Variants in OPA3 observed in about 807,000 individuals in gnomAD.
The protein encoded by OPA3 is outer mitochondrial membrane lipid metabolism regulator OPA3, also known as optic atrophy 3 protein.
A neutral mutation model predicts 4.0 loss-of-function variants in OPA3; 6 were observed. The observed-to-expected ratio is 1.51, with a 90% CI of 0.83 to 2.99. The LOEUF (loss-of-function observed/expected upper bound fraction) is 2.99, where lower values mean the gene tolerates loss of function less well. Among genes scored for constraint, OPA3 ranks in the 30% most tolerant of loss-of-function variants. OPA3 has a pLI of 0.00. For missense variants in OPA3, 235 were observed against 256.2 expected (o/e 0.92, Z 0.56); for synonymous variants, 105 against 117.1 (o/e 0.90, Z 0.67).
In OPA3 at chr19:45,549,326, T is replaced by C. The variant is rs565107857; in HGVS notation, c.*4188A>G. On this transcript the variant is annotated 3_prime_UTR_variant, in exon 2 of 2. Transcript: ENST00000263275. ...ACCCCTGACGCCGCAGTGGGGGAAG[T>C]AGATGGCCCTGCTGCCCACGATGAC... 4 of 984,558 alleles carry C rather than the reference T, an allele frequency of 4.1e-6. No homozygotes were observed. The highest frequency in any genetic ancestry group is 4.8e-6 in the Non-Finnish European group (4 of 829,846). 61.0% of individuals were successfully genotyped at this position (984,558 alleles called of 1,614,324 possible). A position where few individuals can be genotyped will look rare whatever the true frequency, so the allele number is the denominator to read the frequency against.
At chr19:45,579,622 A>G (rs1969817501) in intron 1 of OPA3, among the ~76,000 whole-genome samples, 1 of 152,158 alleles carries the variant, frequency 6.6e-6, no homozygotes, top group Admixed American at 6.6e-5. Context: ...TATAACATCT[A>G]CGTGACAGCC....
chr19:45,535,621 A>G (rs971003290), intron 1 of OPA3, among the ~76,000 whole-genome samples: 1 of 152,036 alleles, frequency 6.6e-6, no homozygotes, highest in Admixed American at 6.6e-5. Flanking sequence ...GACCTCCCAA[A>G]GTGCTGGGAT....
intron 1 of OPA3, among the ~76,000 whole-genome samples, chr19:45,538,350 G>A (rs1011945148): frequency 6.6e-6 from 1 of 152,104 alleles, no homozygotes; most frequent in Admixed American, 6.6e-5. Flanking sequence ...GAGCCTGGAA[G>A]ATCAAAACTG....
At position 45,584,622 on chromosome 19, in the gene OPA3, C is replaced by T. The variant is rs1555736793; in HGVS notation, c.142+1G>A. On this transcript the variant is annotated splice_donor_variant, in intron 1 of 1. Transcript: ENST00000263275. LOFTEE classifies it high-confidence loss of function. ...TTGGAGGGAATTCGGGTCAGACTCA[C>T]GTTGAGCCGGCGGGAGGCAGATATA... 6.2e-7 allele frequency: 1 copy of T among 1,614,188 alleles called. No individual in the cohort carries two copies. The highest frequency in any genetic ancestry group is 8.5e-7 in the Non-Finnish European group (1 of 1,180,020).
chr19:45,554,113 A>T (rs1969386481), intron 1 of OPA3, among the ~76,000 whole-genome samples: 1 of 152,182 alleles, frequency 6.6e-6, no homozygotes, highest in Non-Finnish European at 1.5e-5. Context: ...CCCAAGAGGG[A>T]CACCAGGAGC....
At chr19:45,529,389 C>T in exon 2 of OPA3, 3 of 1,614,196 alleles carry the variant, frequency 1.9e-6, no homozygotes, top group African/African-American at 1.3e-5. Flanking sequence ...CCTCGTTCAG[C>T]GGCTTGATGG....
intron 1 of OPA3, among the ~76,000 whole-genome samples, chr19:45,570,981 G>GC (rs1555735068): frequency 7.4e-6 from 1 of 134,924 alleles, no homozygotes; most frequent in Non-Finnish European, 1.6e-5. Flanking sequence ...AACTATTTGG[G>GC]GGGGGGGGGC....
intron 1 of OPA3, among the ~76,000 whole-genome samples, chr19:45,535,103 G>A (rs774116937): frequency 1.3e-5 from 2 of 152,122 alleles, no homozygotes; most frequent in Admixed American, 6.6e-5. Flanking sequence ...TAGATTGGTA[G>A]AGGAAAAGAT....
At chr19:45,570,852 G>C (rs1969652247) in intron 1 of OPA3, among the ~76,000 whole-genome samples, 3 of 144,114 alleles carry the variant, frequency 2.1e-5, no homozygotes, top group East Asian at 2.1e-4. Flanking sequence ...GACAGAGTGA[G>C]ACTCTGTCTC....
At chr19:45,554,071 G>C (rs1415641702) in intron 1 of OPA3, among the ~76,000 whole-genome samples, 160 bp from the exon 2 acceptor site, 11 of 152,180 alleles carry the variant, frequency 7.2e-5, no homozygotes, top group Admixed American at 6.5e-4. Context: ...CACTGCCCCA[G>C]AAGGGAGGTC....
chr19:45,566,153 T>C (rs550920084), intron 1 of OPA3, among the ~76,000 whole-genome samples: 2 of 152,282 alleles, frequency 1.3e-5, no homozygotes, highest in African/African-American at 2.4e-5. Flanking sequence ...TTTTTTATTA[T>C]TATTATTGTT....
At chr19:45,542,651 T>A (rs1056312820), downstream of OPA3, among the ~76,000 whole-genome samples, 1 of 147,864 alleles carries the variant, frequency 6.8e-6, no homozygotes, top group African/African-American at 2.5e-5. Context: ...GGTACAGTAC[T>A]TCACTGTTTT....
At chr19:45,546,116 A>G (rs1969245600), downstream of OPA3, among the ~76,000 whole-genome samples, 1 of 152,144 alleles carries the variant, frequency 6.6e-6, no homozygotes. Context: ...CATATAATAC[A>G]TAATGTATGA....
At chr19:45,557,950 C>T (rs1011274780) in intron 1 of OPA3, among the ~76,000 whole-genome samples, 14 of 152,184 alleles carry the variant, frequency 9.2e-5, no homozygotes, top group African/African-American at 2.9e-4. Context: ...AAGTGAGTCC[C>T]GCCTCCAGCC....
intron 1 of OPA3, among the ~76,000 whole-genome samples, chr19:45,576,130 G>A (rs1402017880): frequency 6.6e-6 from 1 of 152,188 alleles, no homozygotes; most frequent in African/African-American, 2.4e-5. Flanking sequence ...GGCCAAGGCA[G>A]GAGAATCGCT....
At chr19:45,563,470 TA>T (rs1969535834) in intron 1 of OPA3, among the ~76,000 whole-genome samples, 1 of 143,944 alleles carries the variant, frequency 6.9e-6, no homozygotes. Context: ...TGATAACAAT[TA>T]AAAAGCCAAG....
At chr19:45,571,141 CTTATT>C (rs548318173) in intron 1 of OPA3, among the ~76,000 whole-genome samples, 13 of 151,574 alleles carry the variant, frequency 8.6e-5, no homozygotes, top group South Asian at 6.3e-4. Context: ...TATTTATTTA[CTTATT>C]TTATTTTATT....
chr19:45,558,756 G>A (rs888393841), intron 1 of OPA3, among the ~76,000 whole-genome samples: 7 of 150,816 alleles, frequency 4.6e-5, no homozygotes, highest in African/African-American at 9.8e-5. Flanking sequence ...ACGGAGTCTC[G>A]CTTTGTCCCC....
At chr19:45,527,797 T>C (rs1272729319) in exon 2 of OPA3, 1 of 152,126 alleles carries the variant, frequency 6.6e-6, no homozygotes, top group Admixed American at 6.6e-5. Context: ...CTCCTTTAAT[T>C]AGAAAACGCT....
Sources: allele counts gnomAD v4.1 joint callset (sites outside exome capture counted in the v4.1 genomes callset), GRCh38; gene constraint gnomAD v4.1.1; transcripts MANE v1.5; gene names NCBI Gene and HGNC (gene_info 2026-07-23, HGNC 2026-07-21).